Variants in TMEM87A observed in about 807,000 individuals in gnomAD.
TMEM87A encodes Golgi-pH regulating cation channel.
In TMEM87A, 50 loss-of-function variants were observed where a neutral mutation model predicts 90.0. The observed-to-expected ratio is 0.56, with a 90% CI of 0.44 to 0.70. TMEM87A has a LOEUF of 0.70. TMEM87A is among the 30% of genes least tolerant of loss of function. TMEM87A has a pLI of 0.00. For synonymous variants in TMEM87A, 226 were observed against 226.7 expected (o/e 1.00, Z 0.03); for missense variants, 577 against 660.5 (o/e 0.87, Z 1.39).
intron 3 of TMEM87A, among the ~76,000 whole-genome samples, chr15:42,266,561 AC>A (rs1231012068): frequency 6.6e-6 from 1 of 152,078 alleles, no homozygotes; most frequent in African/African-American, 2.4e-5. Context: ...ATGCTATTTG[AC>A]TTGTAACGAT....
intron 6 of TMEM87A, among the ~76,000 whole-genome samples, chr15:42,251,426 G>A (rs912971442): frequency 1.3e-5 from 2 of 152,134 alleles, no homozygotes; most frequent in African/African-American, 4.8e-5. Flanking sequence ...ATGGGGTTTT[G>A]GTGTGGATGT....
In TMEM87A at chr15:42,244,039, ACTGAACTTACTGGT is replaced by A; in HGVS notation, c.619_622+10del. The A allele has an allele frequency of 6.6e-7, 1 of 1,515,838 alleles. No individual in the cohort carries two copies. 93.9% of individuals were successfully genotyped at this position (1,515,838 alleles called of 1,614,324 possible). A position where few individuals can be genotyped will look rare whatever the true frequency, so the allele number is the denominator to read the frequency against. ...TAATAACATAACCATTAAAAAAAAA[ACTGAACTTACTGGT>A]AAAAAGATTACTCAGTGAATTTTCT... On this transcript the variant is annotated splice_donor_variant and splice_donor_5th_base_variant and coding_sequence_variant and intron_variant, in exon 7 of 20. Transcript: ENST00000389834. LOFTEE classifies it high-confidence loss of function.
At chr15:42,241,141 C>A (rs1225322513) in intron 7 of TMEM87A, among the ~76,000 whole-genome samples, 1 of 152,096 alleles carries the variant, frequency 6.6e-6, no homozygotes, top group Non-Finnish European at 1.5e-5. Flanking sequence ...ATTTGCTAGC[C>A]CCTGCTCTAT....
At chr15:42,229,476 T>C (rs181759808) in intron 12 of TMEM87A, among the ~76,000 whole-genome samples, 34 of 151,878 alleles carry the variant, frequency 2.2e-4, no homozygotes, top group Admixed American at 2.2e-3. Context: ...AAAGTGAACA[T>C]GAGTAACAGG....
At chr15:42,270,962 T>C (rs754860437) in intron 2 of TMEM87A, among the ~76,000 whole-genome samples, 20 of 152,186 alleles carry the variant, frequency 1.3e-4, no homozygotes, top group African/African-American at 4.6e-4. Context: ...CACTAAACAA[T>C]TGAAAAGAAT....
intron 7 of TMEM87A, among the ~76,000 whole-genome samples, chr15:42,242,775 T>C (rs1566932491): frequency 6.6e-6 from 1 of 151,622 alleles, no homozygotes; most frequent in Non-Finnish European, 1.5e-5. Context: ...ATTCTTAACA[T>C]TTTTTTTAAA....
At chr15:42,260,586 C>A (rs541598570) in intron 6 of TMEM87A, among the ~76,000 whole-genome samples, 1 of 152,252 alleles carries the variant, frequency 6.6e-6, no homozygotes, top group East Asian at 1.9e-4. Context: ...AAACTTAAGG[C>A]ATATTTATAG....
intron 11 of TMEM87A, among the ~76,000 whole-genome samples, chr15:42,232,498 G>A (rs1048641191): frequency 6.6e-6 from 1 of 151,904 alleles, no homozygotes; most frequent in Non-Finnish European, 1.5e-5. Context: ...TTTTGAGACG[G>A]AGTCTTGCTC....
chr15:42,270,248 T>C (rs147058651), intron 2 of TMEM87A, among the ~76,000 whole-genome samples: 2,261 of 151,938 alleles, frequency 0.015, 46 homozygotes, highest in African/African-American at 0.05. Context: ...CACGCGCCTA[T>C]AGTCCCAGCT....
At chr15:42,238,203 G>A (rs1253105842) in intron 8 of TMEM87A, among the ~76,000 whole-genome samples, 1 of 152,110 alleles carries the variant, frequency 6.6e-6, no homozygotes, top group African/African-American at 2.4e-5. Context: ...GGAAGCCGAG[G>A]CAGGAGGACT....
At chr15:42,262,664 A>C (rs1190595238) in intron 4 of TMEM87A, among the ~76,000 whole-genome samples, 1 of 151,948 alleles carries the variant, frequency 6.6e-6, no homozygotes, top group Non-Finnish European at 1.5e-5. Context: ...TGATCCGCCC[A>C]CCTCGGCCTC....
chr15:42,257,970 A>G, intron 6 of TMEM87A: 1 of 980,914 alleles, frequency 1.0e-6, no homozygotes, highest in Non-Finnish European at 1.2e-6. Flanking sequence ...TTTACTTTTA[A>G]GTTATAGAAT....
intron 6 of TMEM87A, among the ~76,000 whole-genome samples, chr15:42,247,454 A>C (rs1362208847): frequency 6.6e-6 from 1 of 152,128 alleles, no homozygotes; most frequent in African/African-American, 2.4e-5. Context: ...ATCTTGAATT[A>C]ATTTTTATAT....
intron 6 of TMEM87A, among the ~76,000 whole-genome samples, chr15:42,250,479 T>C (rs1484748511): frequency 1.3e-5 from 2 of 152,226 alleles, no homozygotes; most frequent in Non-Finnish European, 2.9e-5. Flanking sequence ...CAAAAATCTC[T>C]CAGCATTTGC....
chr15:42,227,448 T>C (rs2050614659), intron 14 of TMEM87A, among the ~76,000 whole-genome samples: 1 of 152,160 alleles, frequency 6.6e-6, no homozygotes, highest in African/African-American at 2.4e-5. Flanking sequence ...AAGACTGGGT[T>C]ATAGCACACT....
At chr15:42,264,035 T>C (rs1485887772) in intron 4 of TMEM87A, 55 bp downstream of exon 4, 1 of 1,408,258 alleles carries the variant, frequency 7.1e-7, no homozygotes, top group South Asian at 1.2e-5. Context: ...GCCAAAAATA[T>C]ATACATTCCA....
At chr15:42,231,378 G>T in intron 11 of TMEM87A, 118 bp from the exon 12 acceptor site, 1 of 712,094 alleles carries the variant, frequency 1.4e-6, no homozygotes, top group Non-Finnish European at 2.2e-6. Context: ...TGAACTGAAA[G>T]AAAATAAAAA....
intron 13 of TMEM87A, 83 bp downstream of exon 13, chr15:42,228,629 T>C: frequency 1.8e-6 from 2 of 1,129,000 alleles, no homozygotes; most frequent in Non-Finnish European, 2.7e-6. Flanking sequence ...AAACTTTCTA[T>C]GTCCACCCAT....
intron 6 of TMEM87A, among the ~76,000 whole-genome samples, chr15:42,256,760 T>C (rs1292683323): frequency 6.6e-6 from 1 of 152,192 alleles, no homozygotes; most frequent in Admixed American, 6.5e-5. Flanking sequence ...TATGGCTCTA[T>C]CGCCTAGAGT....
Sources: allele counts gnomAD v4.1 joint callset (sites outside exome capture counted in the v4.1 genomes callset), GRCh38; gene constraint gnomAD v4.1.1; transcripts MANE v1.5; gene names NCBI Gene and HGNC (gene_info 2026-07-23, HGNC 2026-07-21).